SORCS2: variants seen among roughly 807,000 people sequenced by gnomAD.
SORCS2 encodes VPS10 domain-containing receptor SorCS2.
SORCS2 carries 100 observed loss-of-function variants against 141.6 expected under a neutral mutation model. The ratio of observed to expected loss-of-function variants is 0.71; its 90% CI spans 0.60 to 0.83. The LOEUF (loss-of-function observed/expected upper bound fraction) is 0.83. SORCS2 is among the 40% of genes least tolerant of loss of function. SORCS2 has a pLI of 0.00. For synonymous variants in SORCS2, 789 were observed against 676.9 expected, an observed-to-expected ratio of 1.17 and a Z score of -2.57; for missense variants, 1,646 against 1,560.2, an observed-to-expected ratio of 1.05 and a Z score of -0.93.
chr4:7,489,917 G>A (rs551572105), intron 2 of SORCS2, among the ~76,000 whole-genome samples: 1 of 152,324 alleles, frequency 6.6e-6, no homozygotes, highest in South Asian at 2.1e-4. Context: ...AGCAGAGAAG[G>A]GTGTCCTGTG....
chr4:7,361,987 C>T (rs1195654064), intron 1 of SORCS2, among the ~76,000 whole-genome samples: 1 of 152,112 alleles, frequency 6.6e-6, no homozygotes, highest in Admixed American at 6.5e-5. Flanking sequence ...ACAGTCTATT[C>T]TCATGTTTGA....
At chr4:7,724,163 A>T (rs949235731) in intron 19 of SORCS2, among the ~76,000 whole-genome samples, 1 of 124,342 alleles carries the variant, frequency 8.0e-6, no homozygotes, top group Non-Finnish European at 1.7e-5. Flanking sequence ...GGTGGTGGTG[A>T]TGGTGGTGAT....
chr4:7,361,625 G>T (rs1460026823), intron 1 of SORCS2, among the ~76,000 whole-genome samples: 2 of 152,166 alleles, frequency 1.3e-5, no homozygotes, highest in Non-Finnish European at 2.9e-5. Context: ...AAAAAAGAGA[G>T]TCTGCTTGCC....
At chr4:7,369,073 A>G (rs543798738) in intron 1 of SORCS2, among the ~76,000 whole-genome samples, 1 of 152,272 alleles carries the variant, frequency 6.6e-6, no homozygotes, top group East Asian at 1.9e-4. Flanking sequence ...TTGGGAGGTC[A>G]AGGCGGGTGG....
intron 1 of SORCS2, among the ~76,000 whole-genome samples, chr4:7,281,362 T>A (rs1715866514): frequency 6.6e-6 from 1 of 152,100 alleles, no homozygotes; most frequent in East Asian, 1.9e-4. Context: ...CGTAGCCCCT[T>A]CATTCGGGGT....
chr4:7,592,649 C>G (rs1163365501), intron 3 of SORCS2, among the ~76,000 whole-genome samples: 6 of 152,294 alleles, frequency 3.9e-5, no homozygotes, highest in African/African-American at 1.2e-4. Flanking sequence ...CATGGGGTCC[C>G]CGAATGACTG....
intron 2 of SORCS2, among the ~76,000 whole-genome samples, chr4:7,511,520 C>G (rs1420646092): frequency 1.3e-5 from 2 of 151,562 alleles, no homozygotes; most frequent in African/African-American, 4.9e-5. Flanking sequence ...GAGAAAGAGA[C>G]AGAGCAACAG....
intron 2 of SORCS2, 54 bp from the exon 3 acceptor site, chr4:7,531,476 C>T (rs900053323): frequency 4.1e-5 from 63 of 1,550,452 alleles, no homozygotes; most frequent in African/African-American, 3.8e-4. Flanking sequence ...TGTGGGCTGA[C>T]GAAGGCCACA....
chr4:7,697,271 G>A lies in SORCS2; in HGVS notation c.1665G>A (p.Arg555=), dbSNP rs1366461864. Residue 555 remains arginine, a synonymous_variant, in exon 12 of 27, where the codon CGG becomes CGA. Transcript: ENST00000507866. Reference sequence around the variant, plus strand: ...CGTCAGACTGTGGTCACACCTGGCGGCAGGTAAGCTGGCTGGGAGGTGCCT... The same window carrying A: ...CGTCAGACTGTGGTCACACCTGGCGACAGGTAAGCTGGCTGGGAGGTGCCT... ...YITSDCGHTW[R]QVFEEEHHIL... is the part of the protein sequence containing the mutation. 1 of 1,584,696 alleles carries A rather than the reference G, an allele frequency of 6.3e-7. No individual in the cohort carries two copies. Among genetic ancestry groups the A allele is most frequent in the South Asian group, 1.2e-5 (1 of 86,262 alleles).
intron 3 of SORCS2, among the ~76,000 whole-genome samples, chr4:7,538,301 C>G (rs771410513): frequency 6.6e-6 from 1 of 152,234 alleles, no homozygotes; most frequent in Non-Finnish European, 1.5e-5. Context: ...CCTGGCCTTG[C>G]TGCTCCTGGC....
At chr4:7,403,877 A>C (rs971083572) in intron 2 of SORCS2, among the ~76,000 whole-genome samples, 1 of 148,212 alleles carries the variant, frequency 6.7e-6, no homozygotes, top group African/African-American at 2.5e-5. Flanking sequence ...TGTATGCACG[A>C]AGTAATTTTG....
intron 1 of SORCS2, among the ~76,000 whole-genome samples, chr4:7,289,159 G>A (rs1490333857): frequency 6.6e-6 from 1 of 152,200 alleles, no homozygotes; most frequent in African/African-American, 2.4e-5. Context: ...AGATACAGTT[G>A]AGGAAGCATT....
chr4:7,600,959 C>T (rs1177358820), intron 3 of SORCS2, among the ~76,000 whole-genome samples: 4 of 152,320 alleles, frequency 2.6e-5, no homozygotes, highest in Middle Eastern at 6.8e-3. Flanking sequence ...GGTCTCAGCT[C>T]ACTGCAACCT....
intron 2 of SORCS2, among the ~76,000 whole-genome samples, chr4:7,487,450 AT>A (rs1731059398): frequency 6.6e-6 from 1 of 152,170 alleles, no homozygotes; most frequent in Admixed American, 6.5e-5. Context: ...TGCCCTCAGA[AT>A]TGTCTCTAGC....
At chr4:7,273,898 A>C (rs1295162955) in intron 1 of SORCS2, among the ~76,000 whole-genome samples, 1 of 152,198 alleles carries the variant, frequency 6.6e-6, no homozygotes, top group African/African-American at 2.4e-5. Context: ...GAGCTTGTTA[A>C]GTGGGTCATG....
At chr4:7,360,739 C>T (rs749632175) in intron 1 of SORCS2, among the ~76,000 whole-genome samples, 26 of 151,538 alleles carry the variant, frequency 1.7e-4, no homozygotes, top group Non-Finnish European at 3.1e-4. Context: ...CACACCACCA[C>T]ACTTGGCTAA....
At chr4:7,565,743 TGTGAAA>T (rs1209308661) in intron 3 of SORCS2, among the ~76,000 whole-genome samples, 2 of 151,004 alleles carry the variant, frequency 1.3e-5, no homozygotes, top group Non-Finnish European at 3.0e-5. Context: ...ATGATGATGA[TGTGAAA>T]GTGATGGTGA....
chr4:7,536,242 G>C (rs1258155542), intron 3 of SORCS2, among the ~76,000 whole-genome samples: 1 of 152,218 alleles, frequency 6.6e-6, no homozygotes, highest in East Asian at 1.9e-4. Flanking sequence ...TCAGTTCCTT[G>C]TCTGTAGAGT....
intron 1 of SORCS2, among the ~76,000 whole-genome samples, chr4:7,361,246 T>C (rs1274444805): frequency 3.9e-5 from 6 of 152,216 alleles, no homozygotes; most frequent in Admixed American, 2.0e-4. Context: ...TGATTGTGTA[T>C]GAGACTCCTC....
Sources: gnomAD v4.1 joint callset for allele counts (sites outside exome capture counted in the v4.1 genomes callset) on GRCh38, gnomAD v4.1.1 for gene constraint, MANE v1.5 for transcripts, NCBI Gene and HGNC (gene_info 2026-07-23, HGNC 2026-07-21) for gene names.